NAV1: variants seen among roughly 807,000 people sequenced by gnomAD.
NAV1 encodes neuron navigator 1.
NAV1 carries 18 observed loss-of-function variants against 175.2 expected under a neutral mutation model. The ratio of observed to expected loss-of-function variants is 0.10; its 90% confidence interval spans 0.07 to 0.15. NAV1 has a LOEUF of 0.15. Among genes scored for constraint, NAV1 ranks in the 10% least tolerant of loss-of-function variants. NAV1 has a pLI of 1.00. For missense variants in NAV1, 1,731 were observed against 2,436.6 expected (o/e 0.71, Z 6.10); for synonymous variants, 897 against 978.7 (o/e 0.92, Z 1.56).
chr1:201,712,025 A>G (rs1671928471), intron 1 of NAV1, among the ~76,000 whole-genome samples: 1 of 152,216 alleles, frequency 6.6e-6, no homozygotes, highest in Admixed American at 6.5e-5. Flanking sequence ...GATTCTGAGG[A>G]TTGGGCCACA....
chr1:201,553,373 A>G (rs1665918628), intron 1 of NAV1, among the ~76,000 whole-genome samples: 1 of 152,250 alleles, frequency 6.6e-6, no homozygotes, highest in Non-Finnish European at 1.5e-5. Context: ...AAACTCAGCC[A>G]GAGGAGTGAA....
chr1:201,592,733 A>T (rs1432737918), intron 2 of NAV1, among the ~76,000 whole-genome samples: 5 of 152,088 alleles, frequency 3.3e-5, no homozygotes, highest in African/African-American at 1.2e-4. Context: ...ATGGGAGAAA[A>T]GCACAGGTCT....
chr1:201,781,226 G>T (rs1445340046), exon 5 of NAV1: 1 of 1,613,874 alleles, frequency 6.2e-7, no homozygotes, highest in Non-Finnish European at 8.5e-7. Flanking sequence ...GGCCACCCTG[G>T]TTCCCTGAAG....
chr1:201,588,721 A>G (rs1403857531), intron 2 of NAV1, among the ~76,000 whole-genome samples, 72 bp downstream of exon 2: 1 of 152,164 alleles, frequency 6.6e-6, no homozygotes, highest in Admixed American at 6.5e-5. Flanking sequence ...CAGGAAAAAT[A>G]GGGAGTGACA....
At chr1:201,783,093 T>G (rs575121603) in intron 6 of NAV1, among the ~76,000 whole-genome samples, 1 of 152,334 alleles carries the variant, frequency 6.6e-6, no homozygotes, top group South Asian at 2.1e-4. Context: ...TCATTTGTAC[T>G]ATTCTCTGAT....
At chr1:201,703,343 C>T (rs1671524785) in intron 1 of NAV1, among the ~76,000 whole-genome samples, 1 of 152,208 alleles carries the variant, frequency 6.6e-6, no homozygotes, top group African/African-American at 2.4e-5. Flanking sequence ...TGAGCCCAGC[C>T]CGGAAGTCCA....
chr1:201,607,370 C>T (rs953498161), intron 2 of NAV1, among the ~76,000 whole-genome samples: 29 of 151,908 alleles, frequency 1.9e-4, no homozygotes, highest in Non-Finnish European at 3.4e-4. Flanking sequence ...CCACCTCGGC[C>T]TCCCAAAATG....
In NAV1 at chr1:201,591,774, C is replaced by G. The variant is rs543700715; in HGVS notation, c.-33+3125C>G. Among the ~76,000 whole-genome samples the G allele has an allele frequency of 7.2e-5, 11 of 152,158 alleles. 1 individual carries two copies. The highest frequency in any genetic ancestry group is 2.6e-4 in the African/African-American group (11 of 41,510). On this transcript the variant is annotated intron_variant, in intron 2 of 33. Coordinates refer to the NAV1 transcript ENST00000685211. ...CGGCATTGTCCCTCTTCTGTGCCCC[C>G]CAAGAGGTCTGGGAAGGTGAGAAAG...
Position 201,779,598 on chromosome 1 carries a change from C to CAAAAAAAAAAAA in NAV1, c.1227-811_1227-800dup, listed in dbSNP as rs10624879. On this transcript the variant is annotated intron_variant, in intron 3 of 29. Coordinates refer to ENST00000367296, the Ensembl canonical transcript of NAV1. ...GGGGCAACAGAGCAGGACTCCGTCTCAAAAAAAAAAAAAAAAAAAAAAAGA... is the reference window on the plus strand; with the variant it reads ...GGGGCAACAGAGCAGGACTCCGTCTCAAAAAAAAAAAAAAAAAAAAAAAAAAAAAAAAAAAGA... Among the ~76,000 whole-genome samples the CAAAAAAAAAAAA allele has an allele frequency of 1.0e-3, 70 of 69,058 alleles. 3 individuals carry two copies. The highest frequency in any genetic ancestry group is 2.9e-3 in the African/African-American group (37 of 12,830). The allele number at this position is 69,058 out of a possible 152,430, so 45.3% of individuals were successfully genotyped here. A position where few individuals can be genotyped will look rare whatever the true frequency, so the allele number is the denominator to read the frequency against.
At chr1:201,819,576 C>T (rs75536039) in intron 29 of NAV1, among the ~76,000 whole-genome samples, 2,011 of 152,076 alleles carry the variant, frequency 0.013, 38 homozygotes, top group African/African-American at 0.043. Flanking sequence ...GTCATCCTCC[C>T]ACTTGGGCTT....
At chr1:201,647,709 G>C (rs1386338323), upstream of NAV1, among the ~76,000 whole-genome samples, 3 of 152,142 alleles carry the variant, frequency 2.0e-5, no homozygotes, top group East Asian at 3.9e-4. Flanking sequence ...AAGTAGGGCG[G>C]GACTGGGAGT....
At position 201,539,992 on chromosome 1, in the gene NAV1, G is replaced by A. The variant is rs1311960654; in HGVS notation, c.-144+650G>A. Among the ~76,000 whole-genome samples the A allele has an allele frequency of 6.6e-6, 1 of 152,224 alleles. No individual in the cohort carries two copies. Among genetic ancestry groups the A allele is most frequent in the Non-Finnish European group, 1.5e-5 (1 of 68,036 alleles). On this transcript the variant is annotated intron_variant, in intron 1 of 33. Transcript: ENST00000685211. This position sits in a 1 kb window ranked among gnomAD's most constrained non-coding sequence, Gnocchi z 5.6. The stretch of plus-strand genomic sequence containing the variant: ...AGGAGAGGGGAGAGAGGAGAACGCA[G>A]AAATTGGGTGATCACGGGGAGCTCA...
At chr1:201,649,232 G>C (rs776961038) in exon 1 of NAV1, 10 of 1,612,982 alleles carry the variant, frequency 6.2e-6, no homozygotes, top group Admixed American at 3.3e-5. Flanking sequence ...TCAGCAAGGC[G>C]CCTGAAGCGG....
rs1338924831 is a variant in NAV1, at chr1:201,740,962, A to G, written c.1226+22207A>G. ...CTTCCCATCTCACTATTCTCACCCCATATACACTCTCCTTCCCCTCAGCCT... is the reference window on the plus strand; with the variant it reads ...CTTCCCATCTCACTATTCTCACCCCGTATACACTCTCCTTCCCCTCAGCCT... On this transcript the variant is annotated intron_variant, in intron 3 of 29. Transcript: ENST00000367296. The surrounding 1 kb of genome is among the most constrained non-coding windows in gnomAD (Gnocchi z 4.7). Among the ~76,000 whole-genome samples the G allele has an allele frequency of 1.3e-5, 2 of 152,034 alleles. No homozygotes were observed. The highest frequency in any genetic ancestry group is 6.6e-5 in the Admixed American group (1 of 15,244).
chr1:201,796,040 A>G (rs958080904), intron 15 of NAV1: 1 of 152,194 alleles, frequency 6.6e-6, no homozygotes, highest in Non-Finnish European at 1.5e-5. Flanking sequence ...CATTGTGTGG[A>G]TATACCACAG....
chr1:201,796,074 A>G (rs1352342899), intron 15 of NAV1: 1 of 152,146 alleles, frequency 6.6e-6, no homozygotes, highest in Non-Finnish European at 1.5e-5. Context: ...TCATCAGTTG[A>G]TAGGTAGGCA....
Position 201,712,924 on chromosome 1 carries a change from G to T in NAV1, c.860+5G>T, listed in dbSNP as rs372035126. ...AGGGTCCCAGGTGACTCACAGGTAA[G>T]CTCGAGCTGCAGAGAGGGTCATGCC... On this transcript the variant is annotated splice_donor_5th_base_variant and intron_variant, in intron 2 of 29. Transcript: ENST00000367296. The T allele has an allele frequency of 7.0e-5, 112 of 1,607,176 alleles. No individual in the cohort carries two copies. Among genetic ancestry groups the T allele is most frequent in the Non-Finnish European group, 8.8e-5 (103 of 1,173,886 alleles).
At position 201,539,260 on chromosome 1, in the gene NAV1, C is replaced by T. The variant is rs1665431036; in HGVS notation, c.-226C>T. 6.6e-6 allele frequency among the ~76,000 whole-genome samples: 1 copy of T among 152,100 alleles called. No homozygotes were observed. Among genetic ancestry groups the T allele is most frequent in the African/African-American group, 2.4e-5 (1 of 41,448 alleles). ...AAACTTTGTGCTCGCGAGAAGCGGA[C>T]CCCGCACCCGCGCTGCCCTTGGGGA... is the stretch of plus-strand genomic sequence containing the variant. On this transcript the variant is annotated 5_prime_UTR_variant, in exon 1 of 34. Coordinates refer to the NAV1 transcript ENST00000685211. The surrounding 1 kb of genome is among the most constrained non-coding windows in gnomAD (Gnocchi z 5.6).
At chr1:201,631,841 C>CT (rs1377858205) in intron 2 of NAV1, among the ~76,000 whole-genome samples, 4 of 151,834 alleles carry the variant, frequency 2.6e-5, no homozygotes, top group Admixed American at 6.6e-5. Context: ...GGTTTGGGGG[C>CT]TTTTTTTTGA....
Sources: gnomAD v4.1 joint callset for allele counts (sites outside exome capture counted in the v4.1 genomes callset) on GRCh38, gnomAD v4.1.1 for gene constraint, Gnocchi (gnomAD v3.1) non-coding constraint, MANE v1.5 for transcripts, NCBI Gene and HGNC (gene_info 2026-07-23, HGNC 2026-07-21) for gene names.